The following CSMD2 variants were observed in gnomAD, a reference collection of about 807,000 sequenced individuals.
CSMD2 encodes CUB and Sushi multiple domains 2.
In CSMD2, 130 loss-of-function variants were observed where a neutral mutation model predicts 398.5. The ratio of observed to expected loss-of-function variants is 0.33; its 90% confidence interval spans 0.28 to 0.38. The LOEUF (loss-of-function observed/expected upper bound fraction) is 0.38, where lower values mean the gene tolerates loss of function less well. Ranked by LOEUF, CSMD2 falls within the 10% of genes least tolerant of loss-of-function variation. The pLI is 1.00. For synonymous variants in CSMD2, 1,828 were observed against 1,908.5 expected, an observed-to-expected ratio of 0.96 and a Z score of 1.10; for missense variants, 3,829 against 4,764.9, an observed-to-expected ratio of 0.80 and a Z score of 5.78.
At chr1:33,719,016 C>T (rs1022635117) in intron 19 of CSMD2, among the ~76,000 whole-genome samples, 1 of 152,142 alleles carries the variant, frequency 6.6e-6, no homozygotes, top group African/African-American at 2.4e-5. Context: ...GAAAGATCTC[C>T]CAGTTTAGTG....
chr1:34,076,928 A>AAAATATAT (rs1232288848), intron 2 of CSMD2, among the ~76,000 whole-genome samples: 23 of 53,592 alleles, frequency 4.3e-4, no homozygotes, highest in African/African-American at 7.8e-4. Context: ...AAAAAAAAAA[A>AAAATATAT]ATATATATAT....
At chr1:34,132,939 TACACACACACAA>T (rs1306911111) in intron 1 of CSMD2, among the ~76,000 whole-genome samples, 7 of 150,506 alleles carry the variant, frequency 4.7e-5, no homozygotes, top group Non-Finnish European at 1.0e-4. Flanking sequence ...ATAAATTTTA[TACACACACACAA>T]ACACACACAC....
chr1:33,695,453 C>T (rs577849076), intron 24 of CSMD2, among the ~76,000 whole-genome samples: 6 of 152,084 alleles, frequency 3.9e-5, no homozygotes, highest in Non-Finnish European at 7.4e-5. Flanking sequence ...GTGAAGAGGT[C>T]TACATTCCCC....
intron 13 of CSMD2, among the ~76,000 whole-genome samples, chr1:33,744,224 T>C (rs1224902564): frequency 6.6e-6 from 1 of 152,232 alleles, no homozygotes; most frequent in Non-Finnish European, 1.5e-5. Context: ...CATTGCTTAA[T>C]GACACAGCAG....
At chr1:33,621,410 A>G (rs115771246) in intron 37 of CSMD2, among the ~76,000 whole-genome samples, 267 of 152,084 alleles carry the variant, frequency 1.8e-3, no homozygotes, top group African/African-American at 6.1e-3. Context: ...GCTGTCATGC[A>G]CCTCTCTGTC....
chr1:33,695,788 C>T (rs758116036), intron 24 of CSMD2, among the ~76,000 whole-genome samples: 25 of 152,192 alleles, frequency 1.6e-4, no homozygotes, highest in African/African-American at 2.7e-4. Context: ...CTTTGGCCTC[C>T]GTGAACTCTT....
chr1:33,929,541 G>T (rs780732784), intron 4 of CSMD2, among the ~76,000 whole-genome samples: 1 of 147,686 alleles, frequency 6.8e-6, no homozygotes, highest in Non-Finnish European at 1.5e-5. Context: ...GGATTCAAGA[G>T]ATTCTCCTGA....
At chr1:34,036,988 C>G (rs544191691) in intron 2 of CSMD2, among the ~76,000 whole-genome samples, 6 of 152,172 alleles carry the variant, frequency 3.9e-5, no homozygotes, top group African/African-American at 1.4e-4. Flanking sequence ...CACATACACC[C>G]TTTCCCTATG....
intron 5 of CSMD2, among the ~76,000 whole-genome samples, chr1:33,855,144 G>T (rs761487520): frequency 6.6e-6 from 1 of 152,132 alleles, no homozygotes; most frequent in African/African-American, 2.4e-5. Flanking sequence ...TTTCTGAGTT[G>T]CCCACTCCGT....
At chr1:33,648,873 A>T (rs1225490075) in intron 28 of CSMD2, among the ~76,000 whole-genome samples, 2 of 152,124 alleles carry the variant, frequency 1.3e-5, no homozygotes, top group African/African-American at 4.8e-5. Flanking sequence ...ATCTTTAAAG[A>T]GCACCCATTT....
chr1:33,724,330 G>T lies in CSMD2; in HGVS notation c.2885-17C>A, dbSNP rs1249850754. On this transcript the variant is annotated splice_polypyrimidine_tract_variant and intron_variant, in intron 18 of 70. Coordinates refer to ENST00000373381, the MANE Select transcript of CSMD2 (RefSeq NM_001281956.2). Reference sequence around the variant, plus strand: ...CACAGAGAGCTACAGAAGGAGTGAAGAGGGCAGTGAAAGACCAGAGGGCCT... The same window carrying T: ...CACAGAGAGCTACAGAAGGAGTGAATAGGGCAGTGAAAGACCAGAGGGCCT... The T allele has an allele frequency of 6.3e-7, 1 of 1,591,774 alleles. No individual in the cohort carries two copies. The highest frequency in any genetic ancestry group is 1.1e-5 in the South Asian group (1 of 90,184).
At position 33,623,362 on chromosome 1, in the gene CSMD2, C is replaced by G; in HGVS notation, c.5722+8G>C. 6.2e-7 allele frequency: 1 copy of G among 1,612,238 alleles called. No homozygotes were observed. On this transcript the variant is annotated splice_region_variant and intron_variant, in intron 36 of 70. Transcript: ENST00000373381. ...CTCCAAATTGAAGCCCCTGGAAACC[C>G]AGCTTACCTGAGAAACTCCCCAGCA...
intron 1 of CSMD2, among the ~76,000 whole-genome samples, chr1:34,093,274 A>C (rs1405853904): frequency 3.3e-5 from 5 of 152,266 alleles, no homozygotes; most frequent in South Asian, 2.1e-4. Context: ...CCATCATCAA[A>C]GACCAAAAGT....
At chr1:34,034,703 GAA>G (rs1303770180) in intron 2 of CSMD2, among the ~76,000 whole-genome samples, 2 of 151,892 alleles carry the variant, frequency 1.3e-5, no homozygotes, top group Non-Finnish European at 2.9e-5. Flanking sequence ...TCTATCTCTT[GAA>G]ATTGAGTGCT....
intron 1 of CSMD2, among the ~76,000 whole-genome samples, chr1:34,118,194 C>A (rs550852745): frequency 2.0e-5 from 3 of 152,040 alleles, no homozygotes; most frequent in Admixed American, 2.0e-4. Context: ...TTAGCCCAGT[C>A]GACAGAGTGA....
intron 5 of CSMD2, among the ~76,000 whole-genome samples, chr1:33,872,404 G>A (rs1467365780): frequency 6.6e-6 from 1 of 152,170 alleles, no homozygotes; most frequent in African/African-American, 2.4e-5. Context: ...GGGTGTGACT[G>A]TGGGCCTTTG....
intron 44 of CSMD2, among the ~76,000 whole-genome samples, chr1:33,588,646 T>C (rs1157049701): frequency 6.6e-6 from 1 of 152,212 alleles, no homozygotes; most frequent in Non-Finnish European, 1.5e-5. Flanking sequence ...AGAAGTTAAA[T>C]ACTTAAAACA....
intron 3 of CSMD2, among the ~76,000 whole-genome samples, chr1:34,009,421 G>A (rs1295583531): frequency 6.6e-6 from 1 of 151,960 alleles, no homozygotes; most frequent in Non-Finnish European, 1.5e-5. Flanking sequence ...GAGAGCTGAA[G>A]CCAGGAGACA....
chr1:33,811,175 G>A (rs1182966092), intron 9 of CSMD2, among the ~76,000 whole-genome samples: 1 of 152,108 alleles, frequency 6.6e-6, no homozygotes, highest in Admixed American at 6.5e-5. Context: ...TGTCAAGAGG[G>A]TGTGGGCTAG....
Sources: gnomAD v4.1 joint callset for allele counts (sites outside exome capture counted in the v4.1 genomes callset) on GRCh38, gnomAD v4.1.1 for gene constraint, MANE v1.5 for transcripts, NCBI Gene and HGNC (gene_info 2026-07-23, HGNC 2026-07-21) for gene names.